RPS6KA2: variants seen among roughly 807,000 people sequenced by gnomAD.
RPS6KA2 encodes the protein ribosomal protein S6 kinase A2.
A neutral mutation model predicts 91.8 loss-of-function variants in RPS6KA2; 42 were observed. The observed-to-expected ratio is 0.46, with a 90% CI of 0.36 to 0.59. The LOEUF is 0.59. Ranked by LOEUF, RPS6KA2 falls within the 20% of genes least tolerant of loss-of-function variation. The pLI, the probability that RPS6KA2 is intolerant of heterozygous loss-of-function variation, is 0.00. For missense variants in RPS6KA2, 798 were observed against 978.5 expected, an observed-to-expected ratio of 0.82 and a Z score of 2.46; for synonymous variants, 414 against 393.6, an observed-to-expected ratio of 1.05 and a Z score of -0.61.
At chr6:166,681,705 C>A (rs986336338) in intron 2 of RPS6KA2, among the ~76,000 whole-genome samples, 6 of 126,162 alleles carry the variant, frequency 4.8e-5, no homozygotes, top group African/African-American at 1.5e-4. Flanking sequence ...CCCCCCCGCC[C>A]CCGCCCAAGA....
chr6:166,644,639 G>T (rs9347141), intron 2 of RPS6KA2, among the ~76,000 whole-genome samples: 1 of 151,946 alleles, frequency 6.6e-6, no homozygotes, highest in Non-Finnish European at 1.5e-5. Flanking sequence ...ATATTAAAAA[G>T]TAAAGAGAGA....
intron 2 of RPS6KA2, among the ~76,000 whole-genome samples, chr6:166,698,963 C>A (rs567481215): frequency 6.6e-6 from 1 of 151,992 alleles, no homozygotes; most frequent in Non-Finnish European, 1.5e-5. Flanking sequence ...AGGCGAGGAA[C>A]GAAGAGGTCA....
chr6:166,530,282 TG>T (rs1783220994), intron 3 of RPS6KA2, among the ~76,000 whole-genome samples: 1 of 152,144 alleles, frequency 6.6e-6, no homozygotes, highest in Non-Finnish European at 1.5e-5. Flanking sequence ...CTCCCTACCC[TG>T]CAGGTTTCCC....
At chr6:166,491,096 G>A (rs1781573199) in intron 8 of RPS6KA2, among the ~76,000 whole-genome samples, 1 of 152,210 alleles carries the variant, frequency 6.6e-6, no homozygotes, top group Admixed American at 6.5e-5. Context: ...TCCTGCCCTG[G>A]CAGGTGTTGT....
At chr6:166,651,780 C>T (rs1787861356) in intron 2 of RPS6KA2, among the ~76,000 whole-genome samples, 1 of 152,242 alleles carries the variant, frequency 6.6e-6, no homozygotes, top group Admixed American at 6.5e-5. Context: ...ATCAACTCTT[C>T]CATCTCATAC....
chr6:166,861,507 AGCAGTGATTCCT>A (rs1203447454), intron 1 of RPS6KA2, among the ~76,000 whole-genome samples: 2 of 152,262 alleles, frequency 1.3e-5, no homozygotes, highest in Non-Finnish European at 1.5e-5. Flanking sequence ...AAAAACTCTC[AGCAGTGATTCCT>A]GCACACCCAC....
chr6:166,470,978 AGTG>A (rs1780745181), intron 10 of RPS6KA2, among the ~76,000 whole-genome samples: 1 of 152,028 alleles, frequency 6.6e-6, no homozygotes, highest in African/African-American at 2.4e-5. Context: ...TGGAAGGGGC[AGTG>A]GCGGCGGTGG....
intron 2 of RPS6KA2, among the ~76,000 whole-genome samples, chr6:166,730,537 G>A (rs566652490): frequency 9.2e-5 from 14 of 152,120 alleles, no homozygotes; most frequent in Non-Finnish European, 1.5e-4. Flanking sequence ...AGAATGCTGC[G>A]TGTCATAGAA....
chr6:166,594,656 G>A (rs1785477175), intron 1 of RPS6KA2, among the ~76,000 whole-genome samples: 1 of 152,180 alleles, frequency 6.6e-6, no homozygotes, highest in African/African-American at 2.4e-5. Flanking sequence ...TAGAGACGGA[G>A]CTTCACTGTG....
intron 2 of RPS6KA2, among the ~76,000 whole-genome samples, chr6:166,783,400 C>A (rs1319037555): frequency 6.6e-6 from 1 of 152,092 alleles, no homozygotes; most frequent in Non-Finnish European, 1.5e-5. Flanking sequence ...AGAACATCTA[C>A]TCCCACTAGA....
chr6:166,641,110 A>C (rs1436538167), intron 2 of RPS6KA2, among the ~76,000 whole-genome samples: 1 of 152,180 alleles, frequency 6.6e-6, no homozygotes, highest in African/African-American at 2.4e-5. Context: ...AATCAGGAGG[A>C]ACATGCTTTA....
chr6:166,582,780 A>T (rs950325460), intron 1 of RPS6KA2, among the ~76,000 whole-genome samples: 1 of 152,230 alleles, frequency 6.6e-6, no homozygotes, highest in African/African-American at 2.4e-5. Context: ...CTTATGTAAG[A>T]ATTGCTATTA....
chr6:166,728,172 G>A (rs2007901), intron 2 of RPS6KA2, among the ~76,000 whole-genome samples: 29,579 of 152,126 alleles, frequency 0.19, 2,869 homozygotes, highest in Admixed American at 0.21. Flanking sequence ...TTTTGGTGTC[G>A]ACAGAGGTCC....
intron 2 of RPS6KA2, among the ~76,000 whole-genome samples, chr6:166,664,239 C>G (rs933434321): frequency 6.7e-6 from 1 of 149,962 alleles, no homozygotes; most frequent in Non-Finnish European, 1.5e-5. Flanking sequence ...TGGTCCCACT[C>G]TAAGTGAACC....
chr6:166,858,208 C>A, exon 2 of RPS6KA2: 1 of 1,526,942 alleles, frequency 6.5e-7, no homozygotes, highest in Non-Finnish European at 9.1e-7. Flanking sequence ...ACTTCTTCTG[C>A]AGTGTCTTCT....
intron 2 of RPS6KA2, among the ~76,000 whole-genome samples, chr6:166,800,252 G>A (rs1251426514): frequency 2.0e-5 from 3 of 152,208 alleles, no homozygotes; most frequent in African/African-American, 4.8e-5. Flanking sequence ...GGCTTCCAGT[G>A]GCTCTGACAC....
At chr6:166,504,848 C>A (rs545939637) in intron 5 of RPS6KA2, among the ~76,000 whole-genome samples, 1 of 152,200 alleles carries the variant, frequency 6.6e-6, no homozygotes, top group Non-Finnish European at 1.5e-5. Context: ...TGACTCATGC[C>A]GCCTTGAGAG....
intron 7 of RPS6KA2, among the ~76,000 whole-genome samples, chr6:166,499,602 C>G (rs1395697406): frequency 6.6e-6 from 1 of 152,228 alleles, no homozygotes; most frequent in Non-Finnish European, 1.5e-5. Context: ...CACATGCTCT[C>G]TCTTTGCCTG....
chr6:166,672,708 G>C (rs1788504521), intron 2 of RPS6KA2, among the ~76,000 whole-genome samples: 1 of 152,220 alleles, frequency 6.6e-6, no homozygotes, highest in Non-Finnish European at 1.5e-5. Flanking sequence ...TGATCTCAGA[G>C]GGGGGCCGGC....
Sources: allele counts gnomAD v4.1 joint callset (sites outside exome capture counted in the v4.1 genomes callset), GRCh38; gene constraint gnomAD v4.1.1; transcripts MANE v1.5; gene names NCBI Gene and HGNC (gene_info 2026-07-23, HGNC 2026-07-21).